The following CSNK1G2 variants were observed in gnomAD, a reference collection of about 807,000 sequenced individuals.
CSNK1G2 encodes the protein casein kinase I isoform gamma-2.
Under a neutral mutation model 48.0 loss-of-function variants are expected in CSNK1G2, and 11 were observed. The ratio of observed to expected loss-of-function variants is 0.23; its 90% CI spans 0.14 to 0.38. The LOEUF is 0.38. CSNK1G2 is among the 10% of genes least tolerant of loss of function. The pLI, the probability that CSNK1G2 is intolerant of heterozygous loss-of-function variation, is 1.00. For synonymous variants in CSNK1G2, 337 were observed against 254.1 expected (o/e 1.33, Z -3.10); for missense variants, 446 against 595.5 (o/e 0.75, Z 2.61).
chr19:1,953,414 G>A (rs1190814286), intron 1 of CSNK1G2: 3 of 534,454 alleles, frequency 5.6e-6, no homozygotes, highest in African/African-American at 3.8e-5. Flanking sequence ...GGCCGTCTTT[G>A]TGATGGATTT....
In CSNK1G2 at chr19:1,965,361, C is replaced by T. The variant is rs560370709; in HGVS notation, c.-265-4147C>T. On this transcript the variant is annotated intron_variant, in intron 1 of 11. Transcript: ENST00000255641. Reference sequence around the variant, plus strand: ...TTGTGCCACTGCACTCCAGCCTGGGCGACAGAGCGAGACTCCGTTTCCAAA... The same window carrying T: ...TTGTGCCACTGCACTCCAGCCTGGGTGACAGAGCGAGACTCCGTTTCCAAA... Among the ~76,000 whole-genome samples, 10 of 140,752 alleles carry T rather than the reference C, an allele frequency of 7.1e-5. No individual in the cohort carries two copies. In the South Asian group the frequency reaches 1.2e-3, roughly 17 times the overall value. 92.3% of individuals were successfully genotyped at this position (140,752 alleles called of 152,430 possible).
At position 1,955,251 on chromosome 19, in the gene CSNK1G2, C is replaced by T. The variant is rs528443961; in HGVS notation, c.-266+13833C>T. On this transcript the variant is annotated intron_variant, in intron 1 of 11. Transcript: ENST00000255641. ...GAGCTGGGCACCCGCCCTGTGCCCA[C>T]GGAACACAGCCCAGGGTGGCGGCCC... Among the ~76,000 whole-genome samples, 6 of 152,244 alleles carry T rather than the reference C, an allele frequency of 3.9e-5. 1 individual carries two copies. In the South Asian group the frequency reaches 8.3e-4, roughly 21 times the overall value.
intron 1 of CSNK1G2, among the ~76,000 whole-genome samples, chr19:1,967,580 A>G (rs2015403537): frequency 6.6e-6 from 1 of 152,038 alleles, no homozygotes; most frequent in African/African-American, 2.4e-5. Context: ...ACCTGGCTTG[A>G]GGGCGACGAG....
intron 2 of CSNK1G2, among the ~76,000 whole-genome samples, chr19:1,970,820 G>T (rs984223877): frequency 6.6e-6 from 1 of 152,242 alleles, no homozygotes; most frequent in Non-Finnish European, 1.5e-5. Flanking sequence ...CCCTGGGAAA[G>T]AGCGCAGGAT....
rs12971939 is a variant in CSNK1G2 at position 1,959,825 on chromosome 19, A to G, written c.-265-9683A>G. 2.6e-3 allele frequency among the ~76,000 whole-genome samples: 143 copies of G among 55,306 alleles called. 3 individuals carry two copies. Among genetic ancestry groups the G allele is most frequent in the Admixed American group, 3.1e-3 (15 of 4,800 alleles). The allele number at this position is 55,306 out of a possible 152,430, so 36.3% of individuals were successfully genotyped here. Reference sequence around the variant, plus strand: ...CCCCAGCACCCGCCCCACCTTTAGTACCACCCTGAGTCCCCCAGCACCTGT... The same window carrying G: ...CCCCAGCACCCGCCCCACCTTTAGTGCCACCCTGAGTCCCCCAGCACCTGT... On this transcript the variant is annotated intron_variant, in intron 1 of 11. Transcript: ENST00000255641.
At chr19:1,960,412 G>T (rs540507581) in intron 1 of CSNK1G2, among the ~76,000 whole-genome samples, 1 of 152,224 alleles carries the variant, frequency 6.6e-6, no homozygotes. Flanking sequence ...AAGGCAGGCA[G>T]TGTGGCGCGA....
intron 1 of CSNK1G2, among the ~76,000 whole-genome samples, chr19:1,956,523 C>T (rs111717997): frequency 0.042 from 6,404 of 152,238 alleles, 309 homozygotes; most frequent in African/African-American, 0.12. Context: ...TCTCAAAAAA[C>T]AAAAGACCAC....
rs746697797 is a variant in CSNK1G2 at position 1,978,774 on chromosome 19, G to A, written c.447+24G>A. The A allele has an allele frequency of 3.8e-6, 6 of 1,566,758 alleles. No homozygotes were observed. Among genetic ancestry groups the A allele is most frequent in the Non-Finnish European group, 4.3e-6 (5 of 1,156,578 alleles). On this transcript the variant is annotated intron_variant, in intron 5 of 11. Transcript: ENST00000255641. This position sits in a 1 kb window ranked among gnomAD's most constrained non-coding sequence, Gnocchi z 7.3. ...TGGTGCGCGGCGGGCGGGGCGGGGCGGGGCTCGGAGGGAAGAGGGTGGCCC... is the reference window on the plus strand; with the variant it reads ...TGGTGCGCGGCGGGCGGGGCGGGGCAGGGCTCGGAGGGAAGAGGGTGGCCC...
intron 1 of CSNK1G2, among the ~76,000 whole-genome samples, chr19:1,948,605 G>T (rs937634984): frequency 6.6e-6 from 1 of 151,076 alleles, no homozygotes; most frequent in Non-Finnish European, 1.5e-5. Flanking sequence ...CCTTATTTCG[G>T]TGTGGTCCTT....
rs745939601 is a variant in CSNK1G2, at chr19:1,978,864, G to A, written c.453G>A (p.Thr151=). Residue 151 remains threonine (T), a synonymous_variant, in exon 6 of 12, where the codon ACG becomes ACA. Transcript: ENST00000255641. The surrounding 1 kb of genome is among the most constrained non-coding windows in gnomAD (Gnocchi z 7.3). ...TVLMIAIQLI[T]RMEYVHTKSL... ...ACCGCCGTGCCCCCCTGCAGATCACGCGCATGGAGTATGTGCACACCAAGA... is the reference window on the plus strand; with the variant it reads ...ACCGCCGTGCCCCCCTGCAGATCACACGCATGGAGTATGTGCACACCAAGA... 4 of 1,601,682 alleles carry A rather than the reference G, an allele frequency of 2.5e-6. No homozygotes were observed. Among genetic ancestry groups the A allele is most frequent in the South Asian group, 1.1e-5 (1 of 91,008 alleles).
intron 1 of CSNK1G2, among the ~76,000 whole-genome samples, chr19:1,955,504 G>A (rs1419177143): frequency 6.8e-6 from 1 of 147,400 alleles, no homozygotes; most frequent in Non-Finnish European, 1.5e-5. Context: ...CGCGGGGTGG[G>A]CGTGTGCCAG....
intron 2 of CSNK1G2, among the ~76,000 whole-genome samples, chr19:1,977,848 C>A (rs1416836456): frequency 6.6e-6 from 1 of 151,736 alleles, no homozygotes; most frequent in East Asian, 1.9e-4. Flanking sequence ...CCCCAGGGAA[C>A]AGGACCTGGG....
rs1470170680 is a variant in CSNK1G2, at chr19:1,941,369, G to C, written c.-315G>C. ...GGGTCCGCGCTGCGCTGCTGAGGCC[G>C]GGCCGGCCGCCCAGACGCTGCCCGC... On this transcript the variant is annotated 5_prime_UTR_variant, in exon 1 of 12. Transcript: ENST00000255641. 5 of 148,072 alleles carry C rather than the reference G, an allele frequency of 3.4e-5. No individual in the cohort carries two copies. The highest frequency in any genetic ancestry group is 9.8e-5 in the African/African-American group (4 of 41,008). 9.2% of individuals were successfully genotyped at this position (148,072 alleles called of 1,614,324 possible). A position where few individuals can be genotyped will look rare whatever the true frequency, so the allele number is the denominator to read the frequency against.
Position 1,980,230 on chromosome 19 carries a change from C to T in CSNK1G2, c.*27C>T, listed in dbSNP as rs776883838. On this transcript the variant is annotated 3_prime_UTR_variant, in exon 12 of 12. Coordinates refer to ENST00000255641, the MANE Select transcript of CSNK1G2 (RefSeq NM_001319.7). The stretch of plus-strand genomic sequence containing the variant: ...CCTGGGCGCGTGCAGCCCCCTGAAT[C>T]TTCTCCGTGCAGCCCCTTGGGGCGC... 3.7e-5 allele frequency: 59 copies of T among 1,612,376 alleles called. 1 individual carries two copies. In the South Asian group the frequency reaches 6.4e-4, roughly 17 times the overall value.
rs769913587 is a variant in CSNK1G2 at position 1,975,183 on chromosome 19, C to T, written c.188-3122C>T. The T allele has an allele frequency of 9.2e-5, 91 of 985,486 alleles. 1 individual carries two copies. Among genetic ancestry groups the T allele is most frequent in the East Asian group, 1.1e-4 (1 of 8,818 alleles). The allele number at this position is 985,486 out of a possible 1,614,324, so 61.0% of individuals were successfully genotyped here. A position where few individuals can be genotyped will look rare whatever the true frequency, so the allele number is the denominator to read the frequency against. ...AGCTTCAAAGGCCCGCCCATCAAGACGCTGCCAAGAGCATGAGGCCAGCCA... is the reference window on the plus strand; with the variant it reads ...AGCTTCAAAGGCCCGCCCATCAAGATGCTGCCAAGAGCATGAGGCCAGCCA... On this transcript the variant is annotated intron_variant, in intron 2 of 11. Transcript: ENST00000255641.
At chr19:1,947,464 C>T (rs1312318993) in intron 1 of CSNK1G2, among the ~76,000 whole-genome samples, 1 of 152,284 alleles carries the variant, frequency 6.6e-6, no homozygotes, top group Non-Finnish European at 1.5e-5. Context: ...CCTCGGGCTT[C>T]TGCTCCAGTG....
chr19:1,953,311 C>T (rs1421417412), intron 1 of CSNK1G2: 1 of 514,456 alleles, frequency 1.9e-6, no homozygotes, highest in Non-Finnish European at 4.0e-6. Context: ...GGAAGCAGAG[C>T]TGAGGCTGCT....
At chr19:1,960,387 C>T (rs1373804948) in intron 1 of CSNK1G2, among the ~76,000 whole-genome samples, 1 of 152,214 alleles carries the variant, frequency 6.6e-6, no homozygotes, top group Non-Finnish European at 1.5e-5. Flanking sequence ...GGGCAGCCTC[C>T]AGCCCTCGTC....
chr19:1,970,042 C>T, intron 2 of CSNK1G2, 83 bp downstream of exon 2: 2 of 1,172,066 alleles, frequency 1.7e-6, no homozygotes, highest in Non-Finnish European at 2.2e-6. Context: ...GGTGGGGCCG[C>T]CCGGGGTCAC....
Sources: allele counts gnomAD v4.1 joint callset (sites outside exome capture counted in the v4.1 genomes callset), GRCh38; gene constraint gnomAD v4.1.1; non-coding constraint Gnocchi (gnomAD v3.1); transcripts MANE v1.5; gene names NCBI Gene and HGNC (gene_info 2026-07-23, HGNC 2026-07-21).